The following CCDC148 variants were observed in gnomAD, a reference collection of about 807,000 sequenced individuals.
CCDC148 encodes the protein coiled-coil domain containing 148.
In CCDC148, 89 loss-of-function variants were observed where a neutral mutation model predicts 85.7. The observed-to-expected ratio is 1.04, with a 90% CI of 0.87 to 1.24. The LOEUF is 1.24. CCDC148 is among the 50% of genes most tolerant of loss of function. CCDC148 has a pLI of 0.00. For synonymous variants in CCDC148, 230 were observed against 213.9 expected (o/e 1.08, Z -0.66); for missense variants, 692 against 671.7 (o/e 1.03, Z -0.33).
chr2:158,189,673 C>T lies in CCDC148; in HGVS notation c.1371-10677G>A, dbSNP rs190328211. Among the ~76,000 whole-genome samples the T allele has an allele frequency of 3.4e-4, 51 of 152,046 alleles. 1 individual carries two copies. The highest frequency in any genetic ancestry group is 1.2e-3 in the African/African-American group (50 of 41,532). On this transcript the variant is annotated intron_variant, in intron 11 of 13. Coordinates refer to ENST00000283233, the MANE Select transcript of CCDC148 (RefSeq NM_138803.4). ...GATAACAGAAACCTTTCTCAATAGA[C>T]CCAGTTTGGGAAATAATATTTACCT...
rs931601896 is a variant in CCDC148 at position 158,171,578 on chromosome 2, T to G, written c.*535A>C. 1 of 151,938 alleles carries G rather than the reference T, an allele frequency of 6.6e-6. No individual in the cohort carries two copies. Among genetic ancestry groups the G allele is most frequent in the Non-Finnish European group, 1.5e-5 (1 of 67,954 alleles). The allele number at this position is 151,938 out of a possible 1,614,324, so 9.4% of individuals were successfully genotyped here. A position where few individuals can be genotyped will look rare whatever the true frequency, so the allele number is the denominator to read the frequency against. ...TCTAATTTATTCTTAAGGGCTAATTTGCAAAATGAAATTGTTTGGATGATT... is the reference window on the plus strand; with the variant it reads ...TCTAATTTATTCTTAAGGGCTAATTGGCAAAATGAAATTGTTTGGATGATT... On this transcript the variant is annotated 3_prime_UTR_variant, in exon 14 of 14. Transcript: ENST00000283233.
intron 1 of CCDC148, among the ~76,000 whole-genome samples, chr2:158,381,451 A>G (rs1376404302): frequency 1.3e-5 from 2 of 152,280 alleles, no homozygotes; most frequent in East Asian, 3.9e-4. Flanking sequence ...CTGAAATGAA[A>G]AAGATAGAAA....
intron 10 of CCDC148, among the ~76,000 whole-genome samples, chr2:158,247,287 A>G (rs1051311885): frequency 6.6e-6 from 1 of 152,216 alleles, no homozygotes; most frequent in Non-Finnish European, 1.5e-5. Flanking sequence ...AAATATTTAT[A>G]AGATACTTTT....
At chr2:158,335,231 C>A (rs1476788132) in intron 7 of CCDC148, among the ~76,000 whole-genome samples, 1 of 152,156 alleles carries the variant, frequency 6.6e-6, no homozygotes, top group African/African-American at 2.4e-5. Context: ...TTGGTAACAT[C>A]CATGCAGAAG....
intron 7 of CCDC148, among the ~76,000 whole-genome samples, chr2:158,328,583 C>T (rs142099487): frequency 0.42 from 63,905 of 151,648 alleles, 13,960 homozygotes; most frequent in South Asian, 0.61. Context: ...CCTGAGGAAT[C>T]GCCACACTGA....
At chr2:158,353,344 GAC>G (rs1173150872) in intron 2 of CCDC148, among the ~76,000 whole-genome samples, 2 of 148,328 alleles carry the variant, frequency 1.3e-5, no homozygotes, top group Non-Finnish European at 3.0e-5. Flanking sequence ...CTCACGTGCA[GAC>G]ACACACATAG....
chr2:158,179,347 C>T (rs769338223), intron 11 of CCDC148, among the ~76,000 whole-genome samples: 7 of 151,508 alleles, frequency 4.6e-5, no homozygotes, highest in South Asian at 2.1e-4. Context: ...TTAGTAGAGA[C>T]GGAGTTTCAC....
chr2:158,365,648 G>T (rs1167294627), intron 1 of CCDC148, among the ~76,000 whole-genome samples: 1 of 152,108 alleles, frequency 6.6e-6, no homozygotes. Context: ...ACACACTGGG[G>T]CCTGTCGGGG....
At chr2:158,251,414 T>C (rs1253568861) in intron 9 of CCDC148, among the ~76,000 whole-genome samples, 3 of 151,850 alleles carry the variant, frequency 2.0e-5, no homozygotes, top group South Asian at 2.1e-4. Flanking sequence ...TACTGGTATG[T>C]GTTATTGGCA....
Position 158,309,422 on chromosome 2 carries a change from C to T in CCDC148, c.1110+11G>A, listed in dbSNP as rs773868388. 7.5e-6 allele frequency: 12 copies of T among 1,606,540 alleles called. No homozygotes were observed. The highest frequency in any genetic ancestry group is 1.7e-5 in the Admixed American group (1 of 59,720). ...CCAGACAAATACTGAAACACCTGTG[C>T]AGCATCTTACCTTGGCTTTCAGATC... On this transcript the variant is annotated intron_variant, in intron 9 of 13. Coordinates refer to ENST00000283233, the MANE Select transcript of CCDC148 (RefSeq NM_138803.4).
intron 9 of CCDC148, among the ~76,000 whole-genome samples, chr2:158,274,803 T>A (rs938904521): frequency 1.3e-5 from 2 of 152,208 alleles, no homozygotes; most frequent in African/African-American, 2.4e-5. Context: ...GGATTTAGGA[T>A]CACAAGGCTG....
intron 1 of CCDC148, among the ~76,000 whole-genome samples, chr2:158,431,335 T>C (rs2105332601): frequency 6.6e-6 from 1 of 151,808 alleles, no homozygotes; most frequent in East Asian, 1.9e-4. Context: ...TAAAAACTTC[T>C]AGTGATGGGG....
intron 9 of CCDC148, among the ~76,000 whole-genome samples, chr2:158,258,649 T>G (rs1400187798): frequency 1.3e-5 from 2 of 151,806 alleles, no homozygotes; most frequent in Non-Finnish European, 2.9e-5. Flanking sequence ...CAAGTTCTGT[T>G]GCCTATTACT....
At chr2:158,300,997 T>G (rs186287227) in intron 9 of CCDC148, among the ~76,000 whole-genome samples, 2 of 152,244 alleles carry the variant, frequency 1.3e-5, no homozygotes, top group East Asian at 1.9e-4. Flanking sequence ...TAGAACTACA[T>G]GCACGCACCA....
intron 9 of CCDC148, among the ~76,000 whole-genome samples, chr2:158,289,721 A>G (rs1345252344): frequency 1.3e-5 from 2 of 152,202 alleles, no homozygotes; most frequent in Non-Finnish European, 2.9e-5. Context: ...TTAGGTATGG[A>G]CCCAGGAGAA....
chr2:158,349,998 G>C (rs574684121), intron 2 of CCDC148, among the ~76,000 whole-genome samples: 2 of 152,188 alleles, frequency 1.3e-5, no homozygotes, highest in South Asian at 4.1e-4. Context: ...GATTTGCCAA[G>C]CTATGAATCT....
At chr2:158,440,880 G>T (rs552454260) in intron 1 of CCDC148, among the ~76,000 whole-genome samples, 7 of 152,098 alleles carry the variant, frequency 4.6e-5, no homozygotes, top group Admixed American at 2.0e-4. Context: ...CTGTTCAATA[G>T]CCTATTAAAA....
At chr2:158,212,326 T>G (rs748693510) in intron 11 of CCDC148, among the ~76,000 whole-genome samples, 4 of 152,224 alleles carry the variant, frequency 2.6e-5, no homozygotes, top group Admixed American at 2.6e-4. Flanking sequence ...TAAGTCACTT[T>G]ACTAAACATA....
intron 1 of CCDC148, among the ~76,000 whole-genome samples, chr2:158,359,130 C>A (rs1386915148): frequency 1.3e-5 from 2 of 152,004 alleles, no homozygotes; most frequent in Non-Finnish European, 2.9e-5. Context: ...CATACAATGT[C>A]CTAGTCTGGT....
Sources: allele counts gnomAD v4.1 joint callset (sites outside exome capture counted in the v4.1 genomes callset), GRCh38; gene constraint gnomAD v4.1.1; transcripts MANE v1.5; gene names NCBI Gene and HGNC (gene_info 2026-07-23, HGNC 2026-07-21).